RPA2: variants seen among roughly 807,000 people sequenced by gnomAD.
RPA2 encodes replication protein A2.
RPA2 carries 22 observed loss-of-function variants against 33.4 expected under a neutral mutation model. The ratio of observed to expected loss-of-function variants is 0.66; its 90% CI spans 0.47 to 0.94. RPA2 has a LOEUF of 0.94. Ranked by LOEUF, RPA2 falls within the 40% of genes least tolerant of loss-of-function variation. The pLI is 0.00. For missense variants in RPA2, 279 were observed against 329.9 expected (o/e 0.85, Z 1.19); for synonymous variants, 109 against 114.9 (o/e 0.95, Z 0.33).
upstream of RPA2, chr1:27,914,696 C>T (rs1156951685): frequency 1.2e-6 from 2 of 1,610,314 alleles, no homozygotes; most frequent in Admixed American, 1.7e-5. Context: ...CCAGTTGGCT[C>T]CAAAAGCCTC....
At chr1:27,892,492 CAAAGG>C (rs1351040584) in intron 8 of RPA2, among the ~76,000 whole-genome samples, 1 of 152,166 alleles carries the variant, frequency 6.6e-6, no homozygotes, top group Non-Finnish European at 1.5e-5. Context: ...CCAAATTGTG[CAAAGG>C]AAAGACAACA....
intron 4 of RPA2, 125 bp downstream of exon 4, chr1:27,906,803 A>G: frequency 1.6e-6 from 1 of 637,598 alleles, no homozygotes; most frequent in Non-Finnish European, 2.7e-6. Context: ...CTTTTACTTT[A>G]GAGTATCTGT....
At chr1:27,911,987 G>A (rs1173575248) in intron 2 of RPA2, among the ~76,000 whole-genome samples, 7 of 151,926 alleles carry the variant, frequency 4.6e-5, no homozygotes, top group Non-Finnish European at 7.4e-5. Flanking sequence ...CCAGTTACTC[G>A]GGAGGCTGAG....
chr1:27,897,461 T>A, intron 5 of RPA2, among the ~76,000 whole-genome samples, 172 bp downstream of exon 5: 1 of 132,202 alleles, frequency 7.6e-6, no homozygotes, highest in Non-Finnish European at 1.6e-5. Flanking sequence ...GTTAATTTCA[T>A]GTTAAGGTTA....
rs557100974 is a variant in RPA2, at chr1:27,899,454, A to G, written c.334-1747T>C. Among the ~76,000 whole-genome samples, 4 of 147,270 alleles carry G rather than the reference A, an allele frequency of 2.7e-5. No homozygotes were observed. The South Asian group carries it at 6.9e-4, about 25-fold the overall frequency. ...CAGGAGGCAGAGGTTGCAGTGAGAG[A>G]CTGTGCCACTGCACTCCAGGCTGGG... On this transcript the variant is annotated intron_variant, in intron 4 of 8. Coordinates refer to ENST00000373912, the MANE Select transcript of RPA2 (RefSeq NM_002946.5).
At chr1:27,893,190 T>C (rs1052976692) in intron 8 of RPA2, among the ~76,000 whole-genome samples, 6 of 152,214 alleles carry the variant, frequency 3.9e-5, no homozygotes, top group African/African-American at 1.4e-4. Context: ...CCCTCACATA[T>C]AGTGGTCCTT....
chr1:27,914,707 C>T, upstream of RPA2: 1 of 1,606,466 alleles, frequency 6.2e-7, no homozygotes, highest in East Asian at 2.2e-5. Context: ...CAAAAGCCTC[C>T]GCGGCCATCT....
At chr1:27,892,849 C>T (rs56195534) in intron 8 of RPA2, among the ~76,000 whole-genome samples, 3 of 152,294 alleles carry the variant, frequency 2.0e-5, no homozygotes, top group East Asian at 1.9e-4. Flanking sequence ...GAAATGGAAT[C>T]AGCCCTGAGC....
chr1:27,904,255 C>T (rs894098018), intron 4 of RPA2, among the ~76,000 whole-genome samples: 4 of 151,938 alleles, frequency 2.6e-5, no homozygotes, highest in Admixed American at 2.6e-4. Context: ...ATCCCTTCTA[C>T]AGTAAAAGAG....
At chr1:27,914,677 A>C, upstream of RPA2, 1 of 1,612,986 alleles carries the variant, frequency 6.2e-7, no homozygotes, top group Middle Eastern at 1.6e-4. Context: ...GAAAACGCGT[A>C]CTGCGCTCCC....
intron 2 of RPA2, among the ~76,000 whole-genome samples, chr1:27,913,023 G>C (rs1264055480): frequency 6.6e-6 from 1 of 152,054 alleles, no homozygotes; most frequent in Non-Finnish European, 1.5e-5. Flanking sequence ...CATCATCTTG[G>C]CTCACTGCAA....
chr1:27,913,583 A>G lies in RPA2; in HGVS notation c.117+480T>C, dbSNP rs182104722. Among the ~76,000 whole-genome samples the G allele has an allele frequency of 4.7e-5, 7 of 149,480 alleles. No homozygotes were observed. In the East Asian group the frequency reaches 1.4e-3, roughly 30 times the overall value. Reference sequence around the variant, plus strand: ...AGCCTGGGCAACAGAGTGAGGTTCCATCTCAAAAAAAAAAAAAAAAGAATG... The same window carrying G: ...AGCCTGGGCAACAGAGTGAGGTTCCGTCTCAAAAAAAAAAAAAAAAGAATG... On this transcript the variant is annotated intron_variant, in intron 2 of 8. Coordinates refer to ENST00000373912, the MANE Select transcript of RPA2 (RefSeq NM_002946.5).
chr1:27,901,730 G>A (rs28904876), intron 4 of RPA2, among the ~76,000 whole-genome samples: 2,225 of 152,084 alleles, frequency 0.015, 69 homozygotes, highest in African/African-American at 0.05. Flanking sequence ...AGAAGCTTCC[G>A]AAAGGTAAAC....
In RPA2 at chr1:27,894,710, T is replaced by A. The variant is rs193094947; in HGVS notation, c.526-313A>T. ...CCAGAGTCTGCTATTTTGGTATCCA[T>A]GGAGCCCAATCATTCAAGCATTCAC... On this transcript the variant is annotated intron_variant, in intron 6 of 8. Coordinates refer to ENST00000373912, the MANE Select transcript of RPA2 (RefSeq NM_002946.5). 1.3e-4 allele frequency among the ~76,000 whole-genome samples: 20 copies of A among 152,318 alleles called. No individual in the cohort carries two copies. The East Asian group carries it at 3.7e-3, about 28-fold the overall frequency.
intron 4 of RPA2, among the ~76,000 whole-genome samples, chr1:27,905,275 G>A (rs998132782): frequency 6.6e-6 from 1 of 152,046 alleles, no homozygotes; most frequent in African/African-American, 2.4e-5. Flanking sequence ...TTTATTGCTA[G>A]TATTTTGAGA....
Position 27,898,465 on chromosome 1 carries a change from A to C in RPA2, c.334-758T>G, listed in dbSNP as rs2078328. Among the ~76,000 whole-genome samples, 77 of 151,870 alleles carry C rather than the reference A, an allele frequency of 5.1e-4. No individual in the cohort carries two copies. The East Asian group carries it at 0.013, about 26-fold the overall frequency. On this transcript the variant is annotated intron_variant, in intron 4 of 8. Coordinates refer to ENST00000373912, the MANE Select transcript of RPA2 (RefSeq NM_002946.5). Reference sequence around the variant, plus strand: ...CTAAACTGTTTATAATGGTTGACTAAGATAATTAAAAACGATTTTAATACT... The same window carrying C: ...CTAAACTGTTTATAATGGTTGACTACGATAATTAAAAACGATTTTAATACT...
chr1:27,901,424 G>A (rs975463899), intron 4 of RPA2, among the ~76,000 whole-genome samples: 3 of 150,338 alleles, frequency 2.0e-5, no homozygotes, highest in Non-Finnish European at 4.4e-5. Flanking sequence ...GTGCAATGGC[G>A]CGATCTCAGC....
chr1:27,909,555 A>T (rs28988908), intron 2 of RPA2, among the ~76,000 whole-genome samples: 189 of 150,586 alleles, frequency 1.3e-3, no homozygotes, highest in East Asian at 2.1e-3. Context: ...CTAAAAATTT[A>T]AAAAAAAAAT....
chr1:27,899,971 T>C lies in RPA2; in HGVS notation c.334-2264A>G, dbSNP rs530469543. ...CTGGGATTACAGGCGTGAGCCACGG[T>C]GCCCGGCTTTTGTATTTTTAATAGA... On this transcript the variant is annotated intron_variant, in intron 4 of 8. Coordinates refer to ENST00000373912, the MANE Select transcript of RPA2 (RefSeq NM_002946.5). 1.3e-4 allele frequency among the ~76,000 whole-genome samples: 20 copies of C among 151,346 alleles called. No homozygotes were observed. In the South Asian group the frequency reaches 4.0e-3, roughly 30 times the overall value.
Sources: allele counts gnomAD v4.1 joint callset (sites outside exome capture counted in the v4.1 genomes callset), GRCh38; gene constraint gnomAD v4.1.1; transcripts MANE v1.5; gene names NCBI Gene and HGNC (gene_info 2026-07-23, HGNC 2026-07-21).